ANKRD11: variants seen among roughly 807,000 people sequenced by gnomAD.
ANKRD11 encodes the protein ankyrin repeat domain 11, also known as ankyrin repeat domain-containing protein 11.
In ANKRD11, 17 loss-of-function variants were observed where a neutral mutation model predicts 195.7. The ratio of observed to expected loss-of-function variants is 0.09; its 90% CI spans 0.06 to 0.13. The LOEUF (loss-of-function observed/expected upper bound fraction) is 0.13. Among genes scored for constraint, ANKRD11 ranks in the 10% least tolerant of loss-of-function variants. The pLI is 1.00. For missense variants in ANKRD11, 3,735 were observed against 3,566.1 expected, an observed-to-expected ratio of 1.05 and a Z score of -1.21; for synonymous variants, 1,953 against 1,528.1, an observed-to-expected ratio of 1.28 and a Z score of -6.49.
intron 2 of ANKRD11, among the ~76,000 whole-genome samples, chr16:89,410,855 C>G (rs1040753966): frequency 3.3e-5 from 5 of 152,332 alleles, no homozygotes; most frequent in Admixed American, 3.3e-4. Flanking sequence ...GTGGCCAGGG[C>G]AAGACAGAAA....
At position 89,291,842 on chromosome 16, in the gene ANKRD11, C is replaced by T; in HGVS notation, c.227-659G>A. ...GAGAGCTCGGCTGTTTCCACCTCAG[C>T]CTCCTCGTAACAAGCACACCCTGCA... On this transcript the variant is annotated intron_variant, in intron 4 of 12. Transcript: ENST00000301030. The surrounding 1 kb of genome is among the most constrained non-coding windows in gnomAD (Gnocchi z 5.3). The T allele has an allele frequency of 8.6e-7, 1 of 1,161,906 alleles. No individual in the cohort carries two copies. Among genetic ancestry groups the T allele is most frequent in the Non-Finnish European group, 1.1e-6 (1 of 873,372 alleles). 72.0% of individuals were successfully genotyped at this position (1,161,906 alleles called of 1,614,324 possible).
chr16:89,428,264 G>T (rs189910520), intron 1 of ANKRD11, among the ~76,000 whole-genome samples: 1 of 152,108 alleles, frequency 6.6e-6, no homozygotes, highest in Admixed American at 6.5e-5. Context: ...GGTGGTTCAC[G>T]CCTATAATCC....
chr16:89,446,401 C>T (rs993592619), intron 1 of ANKRD11, among the ~76,000 whole-genome samples: 1 of 152,096 alleles, frequency 6.6e-6, no homozygotes. Context: ...CCCTGGAGTT[C>T]GAGACCAGCC....
chr16:89,365,728 T>C (rs1261858691), intron 2 of ANKRD11, among the ~76,000 whole-genome samples: 1 of 152,192 alleles, frequency 6.6e-6, no homozygotes, highest in Non-Finnish European at 1.5e-5. Flanking sequence ...TTTTTAACTT[T>C]GTTTTAGGTT....
intron 10 of ANKRD11, 52 bp downstream of exon 10, chr16:89,275,041 G>A (rs372534900): frequency 5.6e-6 from 9 of 1,612,410 alleles, no homozygotes; most frequent in African/African-American, 5.3e-5. Flanking sequence ...TGGGGCCTGC[G>A]CCGTGAAAAG....
In ANKRD11 at chr16:89,279,787, C is replaced by T; in HGVS notation, c.6755G>A (p.Gly2252Glu). 2.0e-6 allele frequency: 3 copies of T among 1,535,790 alleles called. No individual in the cohort carries two copies. The highest frequency in any genetic ancestry group is 2.6e-6 in the Non-Finnish European group (3 of 1,145,074). Residue 2252 changes from glycine (G) to glutamate (E), a missense_variant, in exon 9 of 13, where the codon GGG (glycine) becomes GAG (glutamate). By Grantham distance (98) the Gly-to-Glu change is moderately conservative (BLOSUM62 -2). Transcript: ENST00000301030. The surrounding 1 kb of genome is among the most constrained non-coding windows in gnomAD (Gnocchi z 5.6). ...AGCCTCAGCCCCCTGGTCTCCGCTC[C>T]CCAGTGGGCGCTGTTCTGGGGGAAC... ...APVPPEQRPL[G>E]SGDQGAEAEG...
At chr16:89,314,183 T>C (rs555751771) in intron 3 of ANKRD11, among the ~76,000 whole-genome samples, 1 of 151,924 alleles carries the variant, frequency 6.6e-6, no homozygotes, top group East Asian at 1.9e-4. Context: ...TTATGGAGGG[T>C]GCAGAAGTTG....
chr16:89,466,233 G>T (rs1283124717), intron 1 of ANKRD11, among the ~76,000 whole-genome samples: 7 of 151,884 alleles, frequency 4.6e-5, no homozygotes, highest in Non-Finnish European at 8.8e-5. Flanking sequence ...AAGAAGAAAT[G>T]ATGATCTTAT....
intron 12 of ANKRD11, among the ~76,000 whole-genome samples, chr16:89,269,224 T>A (rs1465103027): frequency 6.6e-6 from 1 of 152,096 alleles, no homozygotes; most frequent in Admixed American, 6.5e-5. Context: ...GGTGCAATCA[T>A]GACTCACTGC....
chr16:89,313,237 C>T (rs1299683295), intron 3 of ANKRD11: 5 of 1,237,646 alleles, frequency 4.0e-6, no homozygotes, highest in Non-Finnish European at 5.2e-6. Flanking sequence ...CACAATGAGA[C>T]AGGGTGACTG....
chr16:89,388,955 G>C (rs113940941), intron 2 of ANKRD11, among the ~76,000 whole-genome samples: 1,811 of 152,284 alleles, frequency 0.012, 19 homozygotes, highest in East Asian at 0.032. Flanking sequence ...ATGACTTACA[G>C]GAATATACAA....
chr16:89,462,024 C>A (rs899489762), intron 1 of ANKRD11, among the ~76,000 whole-genome samples: 1 of 150,934 alleles, frequency 6.6e-6, no homozygotes, highest in South Asian at 2.1e-4. Flanking sequence ...GTCACGCTCC[C>A]TCTCCCTCCC....
intron 2 of ANKRD11, among the ~76,000 whole-genome samples, chr16:89,342,683 C>CAT (rs2152001579): frequency 6.6e-6 from 1 of 152,338 alleles, no homozygotes; most frequent in African/African-American, 2.4e-5. Flanking sequence ...CTTGATACTT[C>CAT]ATGGTGTAAA....
chr16:89,339,545 A>G (rs979094732), intron 2 of ANKRD11, among the ~76,000 whole-genome samples: 22 of 152,214 alleles, frequency 1.4e-4, no homozygotes, highest in Admixed American at 9.2e-4. Flanking sequence ...ATTTAGACGA[A>G]CCCTCAATTT....
chr16:89,280,458 G>C lies in ANKRD11; in HGVS notation c.6084C>G (p.Pro2028=), dbSNP rs189297725. 3.1e-6 allele frequency: 5 copies of C among 1,594,188 alleles called. No homozygotes were observed. Among genetic ancestry groups the C allele is most frequent in the African/African-American group, 1.3e-5 (1 of 74,290 alleles). The part of the protein sequence containing the change: ...PPASPAPYAL[P]VAEPGLEDVK... ...CGTCCTCCAGCCCCGGCTCAGCGAC[G>C]GGCAGAGCGTACGGGGCAGGAGAGG... The change falls in exon 9 of 13, where the codon CCC becomes CCG. Residue 2028 remains proline, a synonymous_variant. Transcript: ENST00000301030.
chr16:89,472,600 A>C (rs1181986814), intron 1 of ANKRD11, among the ~76,000 whole-genome samples: 1 of 152,172 alleles, frequency 6.6e-6, no homozygotes, highest in Non-Finnish European at 1.5e-5. Context: ...TGTCACTGCA[A>C]CATCAACCTC....
At chr16:89,334,381 CT>C (rs924310821) in intron 2 of ANKRD11, among the ~76,000 whole-genome samples, 1 of 152,162 alleles carries the variant, frequency 6.6e-6, no homozygotes, top group African/African-American at 2.4e-5. Flanking sequence ...ACAACCTCCT[CT>C]CAGGTTCTGA....
intron 1 of ANKRD11, among the ~76,000 whole-genome samples, chr16:89,419,503 G>A (rs1239947386): frequency 6.7e-6 from 1 of 149,864 alleles, no homozygotes; most frequent in Admixed American, 6.6e-5. Context: ...TCCCTGAAGA[G>A]CTCTGGGGAC....
intron 2 of ANKRD11, among the ~76,000 whole-genome samples, chr16:89,346,270 AGAATCAACACAAC>A (rs1371943023): frequency 2.0e-5 from 3 of 150,682 alleles, no homozygotes; most frequent in African/African-American, 4.9e-5. Flanking sequence ...AAAAAAAAAA[AGAATCAACACAAC>A]AGAGAAAATG....
Sources: allele counts gnomAD v4.1 joint callset (sites outside exome capture counted in the v4.1 genomes callset), GRCh38; gene constraint gnomAD v4.1.1; non-coding constraint Gnocchi (gnomAD v3.1); transcripts MANE v1.5; gene names NCBI Gene and HGNC (gene_info 2026-07-23, HGNC 2026-07-21).